The following SMARCAD1 variants were observed in gnomAD, a reference collection of about 807,000 sequenced individuals.
The protein encoded by SMARCAD1 is SWI/SNF-related matrix-associated actin-dependent regulator of chromatin subfamily A containing DEAD/H box 1.
A neutral mutation model predicts 127.1 loss-of-function variants in SMARCAD1; 25 were observed. That is an observed-to-expected ratio of 0.20 (90% CI 0.14 to 0.27). The LOEUF is 0.27. Among genes scored for constraint, SMARCAD1 ranks in the 10% least tolerant of loss-of-function variants. The probability of loss-of-function intolerance (pLI) is 1.00; values close to 1 mark genes in which losing one functional copy is unlikely to be tolerated. For synonymous variants in SMARCAD1, 400 were observed against 396.9 expected, an observed-to-expected ratio of 1.01 and a Z score of -0.09; for missense variants, 807 against 1,206.0, an observed-to-expected ratio of 0.67 and a Z score of 4.90.
At chr4:94,265,749 C>T (rs1427333053) in intron 10 of SMARCAD1, among the ~76,000 whole-genome samples, 1 of 151,640 alleles carries the variant, frequency 6.6e-6, no homozygotes, top group Non-Finnish European at 1.5e-5. Context: ...ACCATGGAAA[C>T]AAATGGAGTT....
chr4:94,273,955 C>T (rs931695961), intron 12 of SMARCAD1, among the ~76,000 whole-genome samples: 1 of 152,104 alleles, frequency 6.6e-6, no homozygotes, highest in African/African-American at 2.4e-5. Context: ...AGACCAAGGA[C>T]GATTTATGTT....
intron 11 of SMARCAD1, among the ~76,000 whole-genome samples, chr4:94,272,724 C>T (rs1002885023): frequency 2.0e-5 from 3 of 151,756 alleles, no homozygotes; most frequent in African/African-American, 2.4e-5. Context: ...TATGGTAGTC[C>T]GTGGTATAAA....
At chr4:94,247,019 G>T (rs976575432) in intron 6 of SMARCAD1, among the ~76,000 whole-genome samples, 1 of 152,184 alleles carries the variant, frequency 6.6e-6, no homozygotes. Context: ...ATACTTGCAA[G>T]ACTCATCTAC....
At position 94,235,960 on chromosome 4, in the gene SMARCAD1, C is replaced by G. The variant is rs150361873; in HGVS notation, c.538-992C>G. 4.9e-3 allele frequency among the ~76,000 whole-genome samples: 740 copies of G among 152,186 alleles called. 3 individuals carry two copies. Among genetic ancestry groups the G allele is most frequent in the African/African-American group, 0.017 (699 of 41,526 alleles). ...AGTATATCACACACTCCAGAGCACT[C>G]TCTTGAAGTAATCTCTATTTCAAGT... On this transcript the variant is annotated intron_variant, in intron 4 of 23. Transcript: ENST00000354268.
chr4:94,218,832 G>A (rs114242700), intron 2 of SMARCAD1, among the ~76,000 whole-genome samples: 1,892 of 152,082 alleles, frequency 0.012, 39 homozygotes, highest in African/African-American at 0.043. Context: ...ACTCTTTTGA[G>A]ACAGAGTCTC....
intron 10 of SMARCAD1, among the ~76,000 whole-genome samples, chr4:94,270,258 A>G (rs1245814442): frequency 6.6e-6 from 1 of 152,094 alleles, no homozygotes; most frequent in Non-Finnish European, 1.5e-5. Flanking sequence ...CATACCACTG[A>G]TATTAGGAGT....
chr4:94,210,929 CAAAAAAAA>C lies in SMARCAD1; in HGVS notation c.190+2359_190+2366del, dbSNP rs747690168. Among the ~76,000 whole-genome samples the C allele has an allele frequency of 1.3e-3, 77 of 57,050 alleles. No individual in the cohort carries two copies. The East Asian group carries it at 0.035, about 26-fold the overall frequency. 37.4% of individuals were successfully genotyped at this position (57,050 alleles called of 152,430 possible). On this transcript the variant is annotated intron_variant, in intron 2 of 23. Coordinates refer to ENST00000354268, the MANE Select transcript of SMARCAD1 (RefSeq NM_020159.5). Reference sequence around the variant, plus strand: ...AGCCTGGGGGACAGAGACTGTATCTCAAAAAAAAAAAAAAAAAAAAAGGTAAATGTCTT... The same window carrying C: ...AGCCTGGGGGACAGAGACTGTATCTCAAAAAAAAAAAAAGGTAAATGTCTT...
chr4:94,226,618 T>C (rs1165323689), intron 3 of SMARCAD1, among the ~76,000 whole-genome samples: 1 of 151,914 alleles, frequency 6.6e-6, no homozygotes, highest in Non-Finnish European at 1.5e-5. Context: ...GTATAACTGC[T>C]TTATGATTTA....
intron 6 of SMARCAD1, among the ~76,000 whole-genome samples, chr4:94,244,038 A>T (rs1303710802): frequency 6.6e-6 from 1 of 152,242 alleles, no homozygotes; most frequent in East Asian, 1.9e-4. Flanking sequence ...TGCCACAAAA[A>T]TAAAAGTGTA....
chr4:94,277,219 T>G, intron 16 of SMARCAD1, 60 bp downstream of exon 16: 1 of 1,580,772 alleles, frequency 6.3e-7, no homozygotes, highest in Non-Finnish European at 8.7e-7. Context: ...TGGGCCATTC[T>G]TCTGTTAGGT....
rs747644368 is a variant in SMARCAD1, at chr4:94,283,193, A to G, written c.2799A>G (p.Gly933=). The G allele has an allele frequency of 1.2e-6, 2 of 1,613,594 alleles. No individual in the cohort carries two copies. Among genetic ancestry groups the G allele is most frequent in the Non-Finnish European group, 1.7e-6 (2 of 1,179,924 alleles). The change falls in exon 22 of 24, where the codon GGA becomes GGG. Residue 933 remains glycine, a synonymous_variant. Coordinates refer to ENST00000354268, the MANE Select transcript of SMARCAD1 (RefSeq NM_020159.5). ...TTCTGCTATCAACAAAAGCTGGTGGATTAGGAATAAATCTGACTTCAGCAA... is the reference window on the plus strand; with the variant it reads ...TTCTGCTATCAACAAAAGCTGGTGGGTTAGGAATAAATCTGACTTCAGCAA... ...FVFLLSTKAG[G]LGINLTSANV...
rs746562700 is a variant in SMARCAD1 at position 94,230,898 on chromosome 4, A to AT, written c.369-3055dup. Reference sequence around the variant, plus strand: ...AAAGGTAAAAGGAAAATCAGAAGTAATGTTGCAGAACCCCTGAGGTGAGGG... The same window carrying AT: ...AAAGGTAAAAGGAAAATCAGAAGTAATTGTTGCAGAACCCCTGAGGTGAGGG... On this transcript the variant is annotated intron_variant, in intron 3 of 23. Transcript: ENST00000354268. Among the ~76,000 whole-genome samples, 60 of 152,192 alleles carry AT rather than the reference A, an allele frequency of 3.9e-4. 1 individual carries two copies. Among genetic ancestry groups the AT allele is most frequent in the Non-Finnish European group, 7.3e-5 (5 of 68,042 alleles).
chr4:94,226,459 C>T (rs1233268533), intron 3 of SMARCAD1, among the ~76,000 whole-genome samples, 163 bp downstream of exon 3: 2 of 124,306 alleles, frequency 1.6e-5, no homozygotes, highest in African/African-American at 6.0e-5. Context: ...TTTTCTCTAA[C>T]TTATAGTCAT....
At chr4:94,224,089 A>G (rs1212761403) in intron 2 of SMARCAD1, among the ~76,000 whole-genome samples, 1 of 152,166 alleles carries the variant, frequency 6.6e-6, no homozygotes, top group East Asian at 1.9e-4. Flanking sequence ...GGACTGTTTT[A>G]TTACTTTGTG....
intron 2 of SMARCAD1, among the ~76,000 whole-genome samples, chr4:94,210,663 TGCGCGGTGGC>T (rs1742068028): frequency 1.3e-5 from 2 of 152,002 alleles, no homozygotes; most frequent in Non-Finnish European, 2.9e-5. Flanking sequence ...AAGATTTTTA[TGCGCGGTGGC>T]TGAAGCCTGT....
At chr4:94,234,331 G>A (rs1746301458) in intron 4 of SMARCAD1, among the ~76,000 whole-genome samples, 1 of 152,198 alleles carries the variant, frequency 6.6e-6, no homozygotes, top group South Asian at 2.1e-4. Flanking sequence ...AAATAGTGCA[G>A]TAATTAAAGC....
Position 94,252,563 on chromosome 4 carries a change from CTTTATA to C in SMARCAD1, c.890-47_890-42del, listed in dbSNP as rs200011317. On this transcript the variant is annotated intron_variant, in intron 8 of 23. Coordinates refer to ENST00000354268, the MANE Select transcript of SMARCAD1 (RefSeq NM_020159.5). Reference sequence around the variant, plus strand: ...TTTTAAGTTTTTATTTGAAGTCTATCTTTATATTTATGTATTTCTAATTTAGTTACT... The same window carrying C: ...TTTTAAGTTTTTATTTGAAGTCTATCTTTATGTATTTCTAATTTAGTTACT... 6.9e-4 allele frequency: 858 copies of C among 1,239,526 alleles called. 4 individuals carry two copies. The African/African-American group carries it at 0.012, about 18-fold the overall frequency. 76.8% of individuals were successfully genotyped at this position (1,239,526 alleles called of 1,614,324 possible).
intron 1 of SMARCAD1, 97 bp downstream of exon 1, chr4:94,208,167 T>C (rs1560503960): frequency 2.9e-6 from 2 of 681,810 alleles, no homozygotes; most frequent in African/African-American, 1.8e-5. Flanking sequence ...TGGAAAATTT[T>C]AAAAGATACC....
At chr4:94,247,218 T>C (rs1200939933) in intron 6 of SMARCAD1, among the ~76,000 whole-genome samples, 1 of 152,224 alleles carries the variant, frequency 6.6e-6, no homozygotes, top group Non-Finnish European at 1.5e-5. Flanking sequence ...TAGTATGGGA[T>C]TTCTGCCAGT....
Sources: gnomAD v4.1 joint callset for allele counts (sites outside exome capture counted in the v4.1 genomes callset) on GRCh38, gnomAD v4.1.1 for gene constraint, MANE v1.5 for transcripts, NCBI Gene and HGNC (gene_info 2026-07-23, HGNC 2026-07-21) for gene names.